Variants in CDH9 observed in about 807,000 individuals in gnomAD.
CDH9 encodes cadherin-9.
CDH9 carries 28 observed loss-of-function variants against 70.9 expected under a neutral mutation model. The ratio of observed to expected loss-of-function variants is 0.40; its 90% CI spans 0.29 to 0.54. The LOEUF (loss-of-function observed/expected upper bound fraction) is 0.54. CDH9 is among the 20% of genes least tolerant of loss of function. The pLI is 0.59. For synonymous variants in CDH9, 409 were observed against 343.1 expected (o/e 1.19, Z -2.12); for missense variants, 874 against 984.4 (o/e 0.89, Z 1.50).
chr5:26,955,401 A>C (rs1458187227), intron 2 of CDH9, among the ~76,000 whole-genome samples: 1 of 152,228 alleles, frequency 6.6e-6, no homozygotes, highest in East Asian at 1.9e-4. Flanking sequence ...TCAAGTTATC[A>C]GCAGGGCCAC....
chr5:26,986,410 T>A (rs1742489069), intron 2 of CDH9, among the ~76,000 whole-genome samples: 1 of 152,138 alleles, frequency 6.6e-6, no homozygotes, highest in Admixed American at 6.6e-5. Flanking sequence ...ATTATGGAAT[T>A]AATTAAAAAG....
At chr5:26,999,532 C>T (rs1029646028) in intron 1 of CDH9, among the ~76,000 whole-genome samples, 7 of 152,052 alleles carry the variant, frequency 4.6e-5, no homozygotes, top group Non-Finnish European at 7.4e-5. Flanking sequence ...AAAGAACAGA[C>T]GATAGGGTCA....
intron 2 of CDH9, among the ~76,000 whole-genome samples, chr5:26,985,947 T>A (rs66964633): frequency 0.47 from 71,921 of 151,690 alleles, 17,877 homozygotes; most frequent in African/African-American, 0.52. Flanking sequence ...AAAAGCAGGA[T>A]AAAGAGAGAG....
At chr5:27,016,499 T>C (rs149804786) in intron 1 of CDH9, among the ~76,000 whole-genome samples, 29 of 151,996 alleles carry the variant, frequency 1.9e-4, no homozygotes, top group Admixed American at 3.3e-4. Flanking sequence ...TTCATAAGAA[T>C]GTATTTTTAA....
chr5:26,933,711 C>T (rs1016609292), intron 2 of CDH9, among the ~76,000 whole-genome samples: 6 of 151,586 alleles, frequency 4.0e-5, no homozygotes, highest in East Asian at 3.9e-4. Context: ...ACCAGGGAAG[C>T]GGAGGTTGCA....
At chr5:26,963,519 G>A (rs1002953564) in intron 2 of CDH9, among the ~76,000 whole-genome samples, 1 of 151,968 alleles carries the variant, frequency 6.6e-6, no homozygotes, top group Non-Finnish European at 1.5e-5. Context: ...TTGAAAAGTT[G>A]TAAAATTAGC....
chr5:26,955,065 G>T (rs1741923899), intron 2 of CDH9, among the ~76,000 whole-genome samples: 1 of 152,142 alleles, frequency 6.6e-6, no homozygotes, highest in Admixed American at 6.5e-5. Context: ...ATTTTTCATA[G>T]ATTGTTTAGA....
At chr5:26,981,222 G>T (rs1216094165) in intron 2 of CDH9, among the ~76,000 whole-genome samples, 1 of 151,988 alleles carries the variant, frequency 6.6e-6, no homozygotes, top group African/African-American at 2.4e-5. Flanking sequence ...GTATCCGTGG[G>T]TGATTGGTTC....
Position 26,915,743 on chromosome 5 carries a change from C to A in CDH9, c.410G>T (p.Arg137Leu), listed in dbSNP as rs150604531. The A allele has an allele frequency of 1.2e-6, 2 of 1,613,346 alleles. No homozygotes were observed. Among genetic ancestry groups the A allele is most frequent in the African/African-American group, 2.7e-5 (2 of 74,848 alleles). Residue 137 changes from arginine (R) to leucine (L), a missense_variant, in exon 3 of 12, where the codon CGG becomes CTG. Coordinates refer to ENST00000231021, the MANE Select transcript of CDH9 (RefSeq NM_016279.4). ...RAKAIDRKTG[R>L]QVEPESEFII... ...AAATTCCGATTCCGGTTCCACCTGC[C>A]GCCCAGTTTTTCTGTCTATAGCCTT...
intron 2 of CDH9, among the ~76,000 whole-genome samples, chr5:26,952,664 A>AAAAG (rs994899284): frequency 6.8e-6 from 1 of 147,168 alleles, no homozygotes; most frequent in African/African-American, 2.5e-5. Context: ...AAGAAAGAAA[A>AAAAG]AAAGAGGTGA....
intron 1 of CDH9, among the ~76,000 whole-genome samples, chr5:26,992,088 C>G (rs1040461343): frequency 1.3e-5 from 2 of 152,228 alleles, no homozygotes; most frequent in South Asian, 4.1e-4. Flanking sequence ...ATAAGCAGCA[C>G]GCAACCTAGA....
At chr5:27,022,025 T>C (rs1182332799) in intron 1 of CDH9, among the ~76,000 whole-genome samples, 1 of 152,032 alleles carries the variant, frequency 6.6e-6, no homozygotes, top group Non-Finnish European at 1.5e-5. Context: ...TGTTGCTCTT[T>C]TGTGAATTGG....
At chr5:26,964,049 T>C (rs542046459) in intron 2 of CDH9, among the ~76,000 whole-genome samples, 14 of 152,170 alleles carry the variant, frequency 9.2e-5, no homozygotes, top group African/African-American at 3.4e-4. Context: ...TCATGTTAAA[T>C]ATAATAAAAA....
chr5:26,961,213 AAATC>A (rs1742029264), intron 2 of CDH9, among the ~76,000 whole-genome samples: 1 of 152,166 alleles, frequency 6.6e-6, no homozygotes, highest in Non-Finnish European at 1.5e-5. Flanking sequence ...TGGAATGACT[AAATC>A]AAGCTAATGA....
intron 2 of CDH9, among the ~76,000 whole-genome samples, chr5:26,956,098 C>T (rs763269665): frequency 2.0e-5 from 3 of 152,102 alleles, no homozygotes; most frequent in Non-Finnish European, 4.4e-5. Context: ...TTGGCTGTGT[C>T]CCCACCCAAA....
At chr5:26,973,572 G>A (rs1448955372) in intron 2 of CDH9, among the ~76,000 whole-genome samples, 3 of 151,760 alleles carry the variant, frequency 2.0e-5, no homozygotes, top group East Asian at 1.9e-4. Flanking sequence ...AACACTATTC[G>A]TCAATTTCAA....
At chr5:26,936,553 G>A (rs1404154020) in intron 2 of CDH9, among the ~76,000 whole-genome samples, 2 of 152,004 alleles carry the variant, frequency 1.3e-5, no homozygotes, top group South Asian at 4.1e-4. Flanking sequence ...TACATATAAT[G>A]TTTCCATGAA....
intron 2 of CDH9, among the ~76,000 whole-genome samples, chr5:26,941,949 G>C (rs574339685): frequency 6.6e-6 from 1 of 152,270 alleles, no homozygotes; most frequent in South Asian, 2.1e-4. Context: ...ATGGCAAGAG[G>C]GCTATGCATG....
chr5:26,928,856 A>C (rs572609920), intron 2 of CDH9, among the ~76,000 whole-genome samples: 6 of 152,140 alleles, frequency 3.9e-5, no homozygotes, highest in Admixed American at 2.0e-4. Flanking sequence ...ATGAACTAAA[A>C]ACTTAAATCT....
Sources: allele counts gnomAD v4.1 joint callset (sites outside exome capture counted in the v4.1 genomes callset), GRCh38; gene constraint gnomAD v4.1.1; transcripts MANE v1.5; gene names NCBI Gene and HGNC (gene_info 2026-07-23, HGNC 2026-07-21).